GRIK2: variants seen among roughly 807,000 people sequenced by gnomAD.
GRIK2 encodes glutamate ionotropic receptor kainate type subunit 2.
Under a neutral mutation model 100.3 loss-of-function variants are expected in GRIK2, and 32 were observed. The ratio of observed to expected loss-of-function variants is 0.32; its 90% CI spans 0.24 to 0.43. The LOEUF is 0.43. Ranked by LOEUF, GRIK2 falls within the 20% of genes least tolerant of loss-of-function variation. The pLI is 1.00. For missense variants in GRIK2, 843 were observed against 1,114.9 expected (o/e 0.76, Z 3.47); for synonymous variants, 417 against 389.4 (o/e 1.07, Z -0.83).
At chr6:102,057,868 T>C (rs1167830740) in intron 16 of GRIK2, among the ~76,000 whole-genome samples, 1 of 151,790 alleles carries the variant, frequency 6.6e-6, no homozygotes, top group Non-Finnish European at 1.5e-5. Context: ...CTCACAAACA[T>C]TTTATATTAG....
At chr6:101,473,084 A>G (rs533718530) in intron 2 of GRIK2, among the ~76,000 whole-genome samples, 1 of 149,832 alleles carries the variant, frequency 6.7e-6, no homozygotes, top group Admixed American at 6.7e-5. Context: ...CAGAAAAACA[A>G]TGAATCCTAG....
At chr6:101,712,690 TTTA>T (rs1216675106) in intron 7 of GRIK2, among the ~76,000 whole-genome samples, 2 of 151,776 alleles carry the variant, frequency 1.3e-5, no homozygotes, top group African/African-American at 4.8e-5. Context: ...AATTTCTACT[TTTA>T]TCACCATTGA....
At chr6:101,866,712 T>G (rs1456699439) in intron 11 of GRIK2, among the ~76,000 whole-genome samples, 1 of 152,138 alleles carries the variant, frequency 6.6e-6, no homozygotes. Flanking sequence ...AGAATCAAAT[T>G]GCTTTAATTT....
intron 2 of GRIK2, among the ~76,000 whole-genome samples, chr6:101,473,189 G>A (rs534409089): frequency 6.6e-5 from 8 of 120,688 alleles, no homozygotes; most frequent in Non-Finnish European, 1.0e-4. Context: ...TCCCTCCCTC[G>A]CTCCTTCCTT....
chr6:101,683,618 A>G (rs1771451029), intron 6 of GRIK2, among the ~76,000 whole-genome samples: 1 of 152,058 alleles, frequency 6.6e-6, no homozygotes, highest in Non-Finnish European at 1.5e-5. Flanking sequence ...ATCCAATCTT[A>G]TTTTCTCTTC....
chr6:101,720,256 C>A (rs910032744), intron 7 of GRIK2, among the ~76,000 whole-genome samples: 2 of 151,868 alleles, frequency 1.3e-5, no homozygotes, highest in African/African-American at 4.8e-5. Flanking sequence ...TGTGTTTGTC[C>A]GTTCAAACTG....
At chr6:101,978,502 T>G (rs1793531342) in intron 14 of GRIK2, among the ~76,000 whole-genome samples, 1 of 151,970 alleles carries the variant, frequency 6.6e-6, no homozygotes, top group Non-Finnish European at 1.5e-5. Context: ...ACTATTCATC[T>G]TACTTTTTTC....
intron 7 of GRIK2, among the ~76,000 whole-genome samples, chr6:101,769,411 A>G (rs1778260047): frequency 6.6e-6 from 1 of 152,180 alleles, no homozygotes; most frequent in Admixed American, 6.5e-5. Context: ...AGAGTCAGGA[A>G]TGCAGAGGAA....
At chr6:101,662,655 A>T (rs1769713175) in intron 4 of GRIK2, among the ~76,000 whole-genome samples, 1 of 151,984 alleles carries the variant, frequency 6.6e-6, no homozygotes, top group Non-Finnish European at 1.5e-5. Flanking sequence ...GGTGTTTTCT[A>T]TATGCTATTT....
intron 2 of GRIK2, among the ~76,000 whole-genome samples, chr6:101,433,115 C>T (rs1384306984): frequency 6.6e-6 from 1 of 152,078 alleles, no homozygotes; most frequent in Non-Finnish European, 1.5e-5. Context: ...AGAGAAAATC[C>T]CAGAAAATCC....
chr6:101,853,688 A>G (rs1459270744), intron 10 of GRIK2, among the ~76,000 whole-genome samples: 2 of 152,192 alleles, frequency 1.3e-5, no homozygotes, highest in African/African-American at 4.8e-5. Flanking sequence ...AAGCCACCAA[A>G]ATTTTCTCCA....
chr6:102,069,856 A>T lies in GRIK2; in HGVS notation c.*1345A>T, dbSNP rs1054819892. On this transcript the variant is annotated 3_prime_UTR_variant, in exon 17 of 17. Coordinates refer to ENST00000369134, the MANE Select transcript of GRIK2 (RefSeq NM_021956.5). ...GAATCATAGAAGAGAAATATTTTCA[A>T]GTTAGATAATATAAAAGCTAGGTGC... The T allele has an allele frequency of 6.6e-6, 1 of 151,930 alleles. No homozygotes were observed. The highest frequency in any genetic ancestry group is 2.4e-5 in the African/African-American group (1 of 41,362). The allele number at this position is 151,930 out of a possible 1,614,324, so 9.4% of individuals were successfully genotyped here. A position where few individuals can be genotyped will look rare whatever the true frequency, so the allele number is the denominator to read the frequency against.
In GRIK2 at chr6:101,878,691, G is replaced by A. The variant is rs577038265; in HGVS notation, c.1525-10949G>A. ...TTACAAGTCATTCGTTATCGTCTCT[G>A]AATTCTCAGTGTCCTCCATTATGAG... On this transcript the variant is annotated intron_variant, in intron 11 of 16. Transcript: ENST00000369134. 1.3e-3 allele frequency among the ~76,000 whole-genome samples: 203 copies of A among 151,968 alleles called. 1 individual carries two copies. The highest frequency in any genetic ancestry group is 3.9e-3 in the African/African-American group (160 of 41,502).
chr6:101,657,759 A>C (rs1414974103), intron 4 of GRIK2, among the ~76,000 whole-genome samples: 1 of 152,174 alleles, frequency 6.6e-6, no homozygotes, highest in East Asian at 1.9e-4. Flanking sequence ...AAGATTCAAA[A>C]ATTCAACACA....
At chr6:101,662,224 T>C (rs1283521460) in intron 4 of GRIK2, among the ~76,000 whole-genome samples, 1 of 152,246 alleles carries the variant, frequency 6.6e-6, no homozygotes, top group Admixed American at 6.5e-5. Context: ...AGTTGAATGA[T>C]GGCTATGTCT....
intron 15 of GRIK2, among the ~76,000 whole-genome samples, chr6:102,051,477 A>G (rs2852613): frequency 0.38 from 58,379 of 151,990 alleles, 11,553 homozygotes; most frequent in Middle Eastern, 0.47. Context: ...AGTACCAAAG[A>G]TTAGAGATTG....
intron 2 of GRIK2, among the ~76,000 whole-genome samples, chr6:101,581,302 G>GTGTA: frequency 6.6e-6 from 1 of 150,730 alleles, no homozygotes; most frequent in African/African-American, 2.5e-5. Flanking sequence ...GTGTGTGTGT[G>GTGTA]TATATACATA....
chr6:101,873,062 G>T (rs891073126), intron 11 of GRIK2, among the ~76,000 whole-genome samples: 1 of 151,712 alleles, frequency 6.6e-6, no homozygotes, highest in Non-Finnish European at 1.5e-5. Context: ...AAGTATTGAG[G>T]TAGTTAAACA....
intron 2 of GRIK2, among the ~76,000 whole-genome samples, chr6:101,561,139 A>C (rs932231068): frequency 6.6e-6 from 1 of 152,208 alleles, no homozygotes; most frequent in African/African-American, 2.4e-5. Flanking sequence ...GAATATAAAA[A>C]AAGTCTCTTA....
Sources: allele counts gnomAD v4.1 joint callset (sites outside exome capture counted in the v4.1 genomes callset), GRCh38; gene constraint gnomAD v4.1.1; transcripts MANE v1.5; gene names NCBI Gene and HGNC (gene_info 2026-07-23, HGNC 2026-07-21).